Variants in ZSCAN20 observed in about 807,000 individuals in gnomAD.
ZSCAN20 encodes zinc finger and SCAN domain containing 20.
A neutral mutation model predicts 97.1 loss-of-function variants in ZSCAN20; 39 were observed. The ratio of observed to expected loss-of-function variants is 0.40; its 90% CI spans 0.31 to 0.52. ZSCAN20 has a LOEUF of 0.52. Ranked by LOEUF, ZSCAN20 falls within the 20% of genes least tolerant of loss-of-function variation. The pLI is 0.49. For missense variants in ZSCAN20, 1,115 were observed against 1,290.4 expected (o/e 0.86, Z 2.08); for synonymous variants, 456 against 467.3 (o/e 0.98, Z 0.31).
Position 33,497,079 on chromosome 1 carries a change from G to A in ZSCAN20, c.*1603G>A, listed in dbSNP as rs1325890428. On this transcript the variant is annotated 3_prime_UTR_variant, in exon 8 of 8. Transcript: ENST00000684572. ...ATAACCTGCTTGGTTCATGGGCTGG[G>A]GAAGTACCTATCAGATAGTGGATGT... is the stretch of plus-strand genomic sequence containing the variant. Among the ~76,000 whole-genome samples the A allele has an allele frequency of 6.6e-6, 1 of 152,138 alleles. No homozygotes were observed. The highest frequency in any genetic ancestry group is 1.5e-5 in the Non-Finnish European group (1 of 68,032).
In ZSCAN20 at chr1:33,474,470, C is replaced by T. The variant is rs372400034; in HGVS notation, c.-111+1779C>T. Among the ~76,000 whole-genome samples, 6 of 152,260 alleles carry T rather than the reference C, an allele frequency of 3.9e-5. No individual in the cohort carries two copies. The South Asian group carries it at 1.2e-3, about 32-fold the overall frequency. On this transcript the variant is annotated intron_variant, in intron 1 of 7. Coordinates refer to ENST00000684572, the MANE Select transcript of ZSCAN20 (RefSeq NM_001377376.1). ...CTCATGACCACGTTCATACTTACTGCCCTAGGAGTCAAGATGCCCCTCAGC... is the reference window on the plus strand; with the variant it reads ...CTCATGACCACGTTCATACTTACTGTCCTAGGAGTCAAGATGCCCCTCAGC...
At chr1:33,481,054 G>A (rs918686931) in intron 2 of ZSCAN20, among the ~76,000 whole-genome samples, 2 of 152,172 alleles carry the variant, frequency 1.3e-5, no homozygotes, top group African/African-American at 4.8e-5. Flanking sequence ...TGAGGTTGGG[G>A]GAGCAAAGGT....
intron 7 of ZSCAN20, 77 bp from the exon 8 acceptor site, chr1:33,494,141 C>T (rs1187978729): frequency 7.5e-7 from 1 of 1,326,626 alleles, no homozygotes; most frequent in East Asian, 2.3e-5. Flanking sequence ...CACAGATGTA[C>T]AATACAGACA....
intron 2 of ZSCAN20, among the ~76,000 whole-genome samples, chr1:33,481,679 T>C (rs1018833534): frequency 7.2e-5 from 11 of 152,276 alleles, no homozygotes; most frequent in African/African-American, 2.4e-4. Flanking sequence ...GAAATATAGT[T>C]ATAATATTCC....
rs1339462211 is a variant in ZSCAN20 at position 33,497,840 on chromosome 1, G to A, written c.*2364G>A. Reference sequence around the variant, plus strand: ...AGAATTGGGAGCACAAGGAGGAGAGGCTGATAGAGCAGGAGGGCAGAAGAT... The same window carrying A: ...AGAATTGGGAGCACAAGGAGGAGAGACTGATAGAGCAGGAGGGCAGAAGAT... On this transcript the variant is annotated 3_prime_UTR_variant, in exon 8 of 8. Transcript: ENST00000684572. 1.2e-4 allele frequency among the ~76,000 whole-genome samples: 18 copies of A among 152,134 alleles called. No individual in the cohort carries two copies. The highest frequency in any genetic ancestry group is 2.1e-4 in the Non-Finnish European group (14 of 68,022).
At position 33,493,265 on chromosome 1, in the gene ZSCAN20, G is replaced by T; in HGVS notation, c.1523G>T (p.Arg508Leu). Residue 508 changes from arginine to leucine, a missense_variant, in exon 7 of 8, where the codon CGT (arginine) becomes CTT (leucine). Physicochemically the swap from Arg to Leu is moderately radical, Grantham distance 102. Coordinates refer to ENST00000684572, the MANE Select transcript of ZSCAN20 (RefSeq NM_001377376.1). This position sits in a 1 kb window ranked among gnomAD's most constrained non-coding sequence, Gnocchi z 4.3. ...GAGTCCCCATTCTCGGAAAAGCTTC[G>T]TACCTGTCACCAGAACAGCCAGGTG... ...LSESPFSEKL[R>L]TCHQNSQVYR... 6.2e-7 allele frequency: 1 copy of T among 1,614,152 alleles called. No homozygotes were observed. Among genetic ancestry groups the T allele is most frequent in the Non-Finnish European group, 8.5e-7 (1 of 1,180,030 alleles).
chr1:33,479,275 G>A lies in ZSCAN20; in HGVS notation c.-14G>A, dbSNP rs755492947. 5 of 1,583,794 alleles carry A rather than the reference G, an allele frequency of 3.2e-6. No individual in the cohort carries two copies. The highest frequency in any genetic ancestry group is 1.3e-5 in the African/African-American group (1 of 74,328). ...GAGGTCAGCATAGCTGAAGTGAGGTGTCTGGGTTAGACAATGGCTATGGCC... is the reference window on the plus strand; with the variant it reads ...GAGGTCAGCATAGCTGAAGTGAGGTATCTGGGTTAGACAATGGCTATGGCC... On this transcript the variant is annotated 5_prime_UTR_variant, in exon 2 of 8. Transcript: ENST00000684572.
In ZSCAN20 at chr1:33,498,812, C is replaced by G. The variant is rs562357818; in HGVS notation, c.*3336C>G. Among the ~76,000 whole-genome samples the G allele has an allele frequency of 6.6e-6, 1 of 152,298 alleles. No individual in the cohort carries two copies. The highest frequency in any genetic ancestry group is 1.9e-4 in the East Asian group (1 of 5,190). On this transcript the variant is annotated 3_prime_UTR_variant, in exon 8 of 8. Transcript: ENST00000684572. ...CCCTCCACCTCAAGAAGGGCATTGG[C>G]TCCTCTGAAGGGACAAAAAGGTACC... is the stretch of plus-strand genomic sequence containing the variant.
intron 5 of ZSCAN20, among the ~76,000 whole-genome samples, chr1:33,489,923 ATCTC>A (rs746460849): frequency 3.3e-5 from 5 of 152,156 alleles, no homozygotes; most frequent in Middle Eastern, 3.4e-3. Context: ...TGTAAATAGG[ATCTC>A]TCTCTCAGGC....
chr1:33,483,110 T>C (rs1173421283), intron 2 of ZSCAN20, among the ~76,000 whole-genome samples: 2 of 152,222 alleles, frequency 1.3e-5, no homozygotes, highest in African/African-American at 4.8e-5. Context: ...GATTATGCCT[T>C]TGATTTTGTA....
chr1:33,488,332 G>A, intron 2 of ZSCAN20, 133 bp from the exon 3 acceptor site: 1 of 819,198 alleles, frequency 1.2e-6, no homozygotes, highest in South Asian at 1.7e-5. Flanking sequence ...TCACTCTGAT[G>A]GCTTTCTCAT....
rs1652631975 is a variant in ZSCAN20, at chr1:33,491,839, C to T, written c.1444+137C>T. The T allele has an allele frequency of 2.5e-6, 2 of 806,396 alleles. No individual in the cohort carries two copies. Among genetic ancestry groups the T allele is most frequent in the African/African-American group, 1.7e-5 (1 of 58,204 alleles). 50.0% of individuals were successfully genotyped at this position (806,396 alleles called of 1,614,324 possible). The stretch of plus-strand genomic sequence containing the variant: ...TGAAGAGCTACATTCCTTAGGTCAT[C>T]CTCAAACTCCAACTTTCTTTTCCCA... On this transcript the variant is annotated intron_variant, in intron 6 of 7. Coordinates refer to ENST00000684572, the MANE Select transcript of ZSCAN20 (RefSeq NM_001377376.1). The surrounding 1 kb of genome is among the most constrained non-coding windows in gnomAD (Gnocchi z 4.3).
chr1:33,488,971 G>C lies in ZSCAN20; in HGVS notation c.605-144G>C, dbSNP rs542392667. 3.6e-5 allele frequency: 25 copies of C among 703,912 alleles called. No homozygotes were observed. The East Asian group carries it at 4.7e-4, about 13-fold the overall frequency. The allele number at this position is 703,912 out of a possible 1,614,324, so 43.6% of individuals were successfully genotyped here. A position where few individuals can be genotyped will look rare whatever the true frequency, so the allele number is the denominator to read the frequency against. ...AGCAGCTTAGGAGCTACACACTCTAGAAGGGAAGTAAAGGGGAAGTCTGCA... is the reference window on the plus strand; with the variant it reads ...AGCAGCTTAGGAGCTACACACTCTACAAGGGAAGTAAAGGGGAAGTCTGCA... On this transcript the variant is annotated intron_variant, in intron 3 of 7. Coordinates refer to ENST00000684572, the MANE Select transcript of ZSCAN20 (RefSeq NM_001377376.1).
At chr1:33,478,343 T>A (rs1446308276) in intron 1 of ZSCAN20, among the ~76,000 whole-genome samples, 1 of 66,896 alleles carries the variant, frequency 1.5e-5, no homozygotes, top group African/African-American at 6.6e-5. Context: ...AGCGTGGTGA[T>A]GAATTGGATT....
chr1:33,485,806 C>T (rs780367606), intron 2 of ZSCAN20, among the ~76,000 whole-genome samples: 4 of 152,006 alleles, frequency 2.6e-5, no homozygotes, highest in Non-Finnish European at 4.4e-5. Context: ...CTATTGATTT[C>T]CCATTTTAAA....
Position 33,493,225 on chromosome 1 carries a change from C to T in ZSCAN20, c.1483C>T (p.Leu495=), listed in dbSNP as rs1652694058. The T allele has an allele frequency of 6.2e-7, 1 of 1,614,046 alleles. No individual in the cohort carries two copies. The highest frequency in any genetic ancestry group is 1.1e-5 in the South Asian group (1 of 91,080). Residue 495 remains leucine, a synonymous_variant, in exon 7 of 8, where the codon CTG becomes TTG. Transcript: ENST00000684572. The surrounding 1 kb of genome is among the most constrained non-coding windows in gnomAD (Gnocchi z 4.3). ...GGGCTATGAGGAGACCAAGGCCTTCCTGGCAATTCTCAGTGAGTCCCCATT... is the reference window on the plus strand; with the variant it reads ...GGGCTATGAGGAGACCAAGGCCTTCTTGGCAATTCTCAGTGAGTCCCCATT... ...HWGYEETKAF[L]AILSESPFSE... is the part of the protein sequence containing the mutation.
Position 33,494,436 on chromosome 1 carries a change from A to G in ZSCAN20, c.2092A>G (p.Ile698Val). 1.2e-6 allele frequency: 2 copies of G among 1,613,588 alleles called. No homozygotes were observed. Among genetic ancestry groups the G allele is most frequent in the Non-Finnish European group, 8.5e-7 (1 of 1,179,692 alleles). Residue 698 changes from isoleucine to valine, a missense_variant, in exon 8 of 8, where the codon ATT becomes GTT. Physicochemically the swap from Ile to Val is conservative, Grantham distance 29 (BLOSUM62 3). This residue lies in a region of ZSCAN20 where 554 missense variants were observed against 584.9 expected (regional missense o/e 0.95). Coordinates refer to ENST00000684572, the MANE Select transcript of ZSCAN20 (RefSeq NM_001377376.1). Reference protein sequence around the residue: ...SSSEEDLEKLIDHQGLYLAEK... With the variant: ...SSSEEDLEKLVDHQGLYLAEK... ...TTCTGAAGAGGACTTAGAAAAACTT[A>G]TTGACCATCAAGGCCTGTACCTTGC... is the stretch of plus-strand genomic sequence containing the variant.
At chr1:33,488,677 A>G in intron 3 of ZSCAN20, 26 bp downstream of exon 3, 2 of 1,596,790 alleles carry the variant, frequency 1.3e-6, no homozygotes, top group Non-Finnish European at 1.7e-6. Flanking sequence ...AACATTAGGG[A>G]ATGAGGCCTT....
chr1:33,473,029 G>A (rs1416605885), intron 1 of ZSCAN20, among the ~76,000 whole-genome samples: 2 of 152,064 alleles, frequency 1.3e-5, no homozygotes, highest in Non-Finnish European at 2.9e-5. Context: ...GCCCTGGCAA[G>A]AAGTGAAGAG....
Sources: gnomAD v4.1 joint callset for allele counts (sites outside exome capture counted in the v4.1 genomes callset) on GRCh38, gnomAD v4.1.1 for gene constraint, gnomAD v4.1.1 regional missense constraint, Gnocchi (gnomAD v3.1) non-coding constraint, MANE v1.5 for transcripts, NCBI Gene and HGNC (gene_info 2026-07-23, HGNC 2026-07-21) for gene names.